Variants in FAM53B observed in about 807,000 individuals in gnomAD.
The protein encoded by FAM53B is family with sequence similarity 53 member B.
Under a neutral mutation model 32.7 loss-of-function variants are expected in FAM53B, and 12 were observed. The ratio of observed to expected loss-of-function variants is 0.37; its 90% CI spans 0.24 to 0.59. The LOEUF is 0.59. Among genes scored for constraint, FAM53B ranks in the 20% least tolerant of loss-of-function variants. The pLI is 0.72. For missense variants in FAM53B, 477 were observed against 577.7 expected, an observed-to-expected ratio of 0.83 and a Z score of 1.79; for synonymous variants, 234 against 228.7, an observed-to-expected ratio of 1.02 and a Z score of -0.21.
chr10:124,721,129 G>C (rs1222773811), intron 1 of FAM53B, among the ~76,000 whole-genome samples: 1 of 152,236 alleles, frequency 6.6e-6, no homozygotes, highest in South Asian at 2.1e-4. Context: ...TTGAGTCCGA[G>C]AAGCGGAGGT....
Position 124,634,111 on chromosome 10 carries a change from C to A in FAM53B, c.907-10507G>T, listed in dbSNP as rs1000619432. 4.6e-5 allele frequency among the ~76,000 whole-genome samples: 7 copies of A among 152,180 alleles called. No homozygotes were observed. In the South Asian group the frequency reaches 8.3e-4, roughly 18 times the overall value. Reference sequence around the variant, plus strand: ...GTAGAAACTTGTACACAAACATTTACAACAGTGTTATTCAAAATATCCAAA... The same window carrying A: ...GTAGAAACTTGTACACAAACATTTAAAACAGTGTTATTCAAAATATCCAAA... On this transcript the variant is annotated intron_variant, in intron 4 of 4. Coordinates refer to ENST00000337318, the MANE Select transcript of FAM53B (RefSeq NM_014661.4).
In FAM53B at chr10:124,682,821, A is replaced by C. The variant is rs1949781838; in HGVS notation, c.134-442T>G. On this transcript the variant is annotated intron_variant, in intron 3 of 4. Coordinates refer to ENST00000337318, the MANE Select transcript of FAM53B (RefSeq NM_014661.4). This position sits in a 1 kb window ranked among gnomAD's most constrained non-coding sequence, Gnocchi z 5.2. ...GTTCTCTGCAGCTCTCAGGACTGGG[A>C]CTCGATGCCCTGGCAGAAGACCACA... 6.6e-6 allele frequency among the ~76,000 whole-genome samples: 1 copy of C among 152,224 alleles called. No individual in the cohort carries two copies. Among genetic ancestry groups the C allele is most frequent in the Non-Finnish European group, 1.5e-5 (1 of 68,036 alleles).
intron 1 of FAM53B, among the ~76,000 whole-genome samples, chr10:124,736,903 G>A (rs577880418): frequency 2.0e-5 from 3 of 152,368 alleles, no homozygotes; most frequent in South Asian, 2.1e-4. Flanking sequence ...GGCAATGCAC[G>A]TGTCTTACAG....
intron 4 of FAM53B, among the ~76,000 whole-genome samples, chr10:124,643,230 G>A (rs1280069394): frequency 6.6e-6 from 1 of 152,248 alleles, no homozygotes; most frequent in Admixed American, 6.5e-5. Flanking sequence ...TCACCCAGCT[G>A]AAAGCAAGAA....
chr10:124,688,426 C>T (rs902333891), intron 3 of FAM53B, among the ~76,000 whole-genome samples: 1 of 152,188 alleles, frequency 6.6e-6, no homozygotes, highest in Non-Finnish European at 1.5e-5. Context: ...CACACGAGAG[C>T]GTGTGCATTT....
At chr10:124,664,602 C>G (rs1949656920) in intron 4 of FAM53B, among the ~76,000 whole-genome samples, 2 of 152,248 alleles carry the variant, frequency 1.3e-5, no homozygotes, top group Non-Finnish European at 2.9e-5. Flanking sequence ...CTCTCCGGCC[C>G]TCAGCAAGTC....
intron 4 of FAM53B, among the ~76,000 whole-genome samples, chr10:124,646,671 T>C (rs1487310830): frequency 6.6e-6 from 1 of 152,244 alleles, no homozygotes; most frequent in African/African-American, 2.4e-5. Context: ...CTCCTCCTGC[T>C]GCTGGGAGAC....
intron 4 of FAM53B, among the ~76,000 whole-genome samples, chr10:124,673,485 A>G (rs1949719379): frequency 6.6e-6 from 1 of 152,192 alleles, no homozygotes; most frequent in African/African-American, 2.4e-5. Context: ...TACTCGACTC[A>G]GCATAAGTTA....
intron 4 of FAM53B, among the ~76,000 whole-genome samples, chr10:124,624,704 C>G (rs913358024): frequency 6.6e-6 from 1 of 150,840 alleles, no homozygotes; most frequent in African/African-American, 2.4e-5. Flanking sequence ...TTCTGCTTGG[C>G]GTCAGCTGCC....
intron 4 of FAM53B, among the ~76,000 whole-genome samples, chr10:124,626,392 C>CG (rs898273862): frequency 2.1e-5 from 3 of 141,848 alleles, no homozygotes; most frequent in South Asian, 2.3e-4. Flanking sequence ...ATTTGTGCCC[C>CG]CCCCCCCCCC....
At chr10:124,633,924 G>A (rs1027447080) in intron 4 of FAM53B, among the ~76,000 whole-genome samples, 2 of 152,156 alleles carry the variant, frequency 1.3e-5, no homozygotes, top group Non-Finnish European at 2.9e-5. Flanking sequence ...TAATAAATTT[G>A]ATAAAAACAT....
At chr10:124,671,242 C>A (rs1031880373) in intron 4 of FAM53B, 8 of 447,566 alleles carry the variant, frequency 1.8e-5, no homozygotes, top group African/African-American at 1.4e-4. Context: ...CATCACCTTC[C>A]CTTTCTGCGG....
chr10:124,706,487 T>G (rs1171043994), intron 2 of FAM53B, 149 bp downstream of exon 2: 8 of 881,838 alleles, frequency 9.1e-6, no homozygotes. Flanking sequence ...TCCTGTGCCC[T>G]GTTGCCCCAG....
intron 3 of FAM53B, among the ~76,000 whole-genome samples, chr10:124,692,068 A>G (rs2134074963): frequency 6.6e-6 from 1 of 152,324 alleles, no homozygotes; most frequent in African/African-American, 2.4e-5. Flanking sequence ...AGGAAATTCC[A>G]TTTCAGCAAA....
At chr10:124,730,770 T>C (rs1004020038) in intron 1 of FAM53B, among the ~76,000 whole-genome samples, 1 of 152,196 alleles carries the variant, frequency 6.6e-6, no homozygotes, top group African/African-American at 2.4e-5. Context: ...TTAATTTAAA[T>C]TGCCACATGA....
At chr10:124,696,336 G>A (rs780083126) in intron 2 of FAM53B, 124 bp from the exon 3 acceptor site, 2 of 843,688 alleles carry the variant, frequency 2.4e-6, no homozygotes, top group Non-Finnish European at 3.9e-6. Flanking sequence ...TCAGATCAGG[G>A]AAAGGAGGAA....
chr10:124,711,064 A>T (rs552304210), intron 1 of FAM53B, among the ~76,000 whole-genome samples: 3 of 152,184 alleles, frequency 2.0e-5, no homozygotes, highest in Admixed American at 2.0e-4. Context: ...TACTCCACAG[A>T]CGCTTTGCTG....
chr10:124,627,388 T>C (rs1352703060), intron 4 of FAM53B, among the ~76,000 whole-genome samples: 2 of 152,226 alleles, frequency 1.3e-5, no homozygotes, highest in African/African-American at 4.8e-5. Flanking sequence ...TGGAGGCCTG[T>C]GTGCCCTCAA....
chr10:124,627,995 A>G (rs1949366698), intron 4 of FAM53B, among the ~76,000 whole-genome samples: 1 of 152,160 alleles, frequency 6.6e-6, no homozygotes, highest in Non-Finnish European at 1.5e-5. Context: ...AACTCAACAT[A>G]TCAGCTCTGT....
Sources: allele counts gnomAD v4.1 joint callset (sites outside exome capture counted in the v4.1 genomes callset), GRCh38; gene constraint gnomAD v4.1.1; non-coding constraint Gnocchi (gnomAD v3.1); transcripts MANE v1.5; gene names NCBI Gene and HGNC (gene_info 2026-07-23, HGNC 2026-07-21).